Variants in EPB41 observed in about 807,000 individuals in gnomAD.
EPB41 encodes protein 4.1.
EPB41 carries 65 observed loss-of-function variants against 108.0 expected under a neutral mutation model. That is an observed-to-expected ratio of 0.60 (90% CI 0.49 to 0.74). The LOEUF (loss-of-function observed/expected upper bound fraction) is 0.74. EPB41 is among the 30% of genes least tolerant of loss of function. The pLI is 0.00. For synonymous variants in EPB41, 336 were observed against 358.9 expected, an observed-to-expected ratio of 0.94 and a Z score of 0.72; for missense variants, 875 against 1,037.0, an observed-to-expected ratio of 0.84 and a Z score of 2.15.
chr1:28,888,058 A>T (rs887953496), intron 1 of EPB41, among the ~76,000 whole-genome samples: 4 of 152,160 alleles, frequency 2.6e-5, no homozygotes, highest in Admixed American at 2.6e-4. Flanking sequence ...GGAGGCAGGG[A>T]CCTGTCCAGA....
At chr1:29,050,628 A>G (rs1046550347) in intron 11 of EPB41, among the ~76,000 whole-genome samples, 16 of 152,200 alleles carry the variant, frequency 1.1e-4, no homozygotes, top group African/African-American at 3.9e-4. Context: ...CTAACCCAGT[A>G]GTAGCAATCT....
chr1:29,059,853 T>C (rs1646202432), intron 14 of EPB41, among the ~76,000 whole-genome samples: 1 of 152,204 alleles, frequency 6.6e-6, no homozygotes, highest in Non-Finnish European at 1.5e-5. Flanking sequence ...TCTTTTCATC[T>C]ATAGAGTGGG....
intron 16 of EPB41, chr1:29,071,292 CAAGTA>C (rs977378743): frequency 6.6e-5 from 10 of 152,314 alleles, no homozygotes; most frequent in African/African-American, 2.4e-4. Flanking sequence ...CATCTTTTCA[CAAGTA>C]GAGTGTTGAT....
Position 28,898,977 on chromosome 1 carries a change from C to T in EPB41, c.-8+11767C>T, listed in dbSNP as rs187513070. Among the ~76,000 whole-genome samples the T allele has an allele frequency of 7.9e-5, 12 of 151,868 alleles. No individual in the cohort carries two copies. The East Asian group carries it at 1.7e-3, about 22-fold the overall frequency. ...TCAGTATTTCTGGAGGTCCAGTGGT[C>T]GGGGTAGAGCTGGATCCCTCAGCCT... On this transcript the variant is annotated intron_variant, in intron 1 of 16. Coordinates refer to the EPB41 transcript ENST00000347529.
chr1:29,006,939 T>C (rs2096414847), intron 4 of EPB41, among the ~76,000 whole-genome samples: 1 of 152,078 alleles, frequency 6.6e-6, no homozygotes, highest in East Asian at 1.9e-4. Flanking sequence ...TCCTGATGTC[T>C]ATCACCATCA....
intron 1 of EPB41, among the ~76,000 whole-genome samples, chr1:28,903,511 G>C (rs1199580754): frequency 6.6e-6 from 1 of 151,796 alleles, no homozygotes; most frequent in African/African-American, 2.4e-5. Flanking sequence ...TTTTAGTAGA[G>C]ACAAGGTTTC....
intron 7 of EPB41, among the ~76,000 whole-genome samples, chr1:29,027,408 C>T (rs1268089801): frequency 7.3e-5 from 11 of 151,364 alleles, no homozygotes; most frequent in Non-Finnish European, 1.0e-4. Context: ...CTCGGCTCAC[C>T]GAAACCTCTG....
At chr1:28,921,201 A>G (rs922269799) in intron 1 of EPB41, among the ~76,000 whole-genome samples, 1 of 152,240 alleles carries the variant, frequency 6.6e-6, no homozygotes, top group Non-Finnish European at 1.5e-5. Context: ...AGCTATTAGT[A>G]CTTACATATA....
At chr1:28,927,261 C>G (rs1171088380) in intron 1 of EPB41, among the ~76,000 whole-genome samples, 1 of 152,136 alleles carries the variant, frequency 6.6e-6, no homozygotes, top group Non-Finnish European at 1.5e-5. Context: ...CGTGAATTTA[C>G]ATATATTTTT....
At chr1:28,991,868 A>G in intron 2 of EPB41, among the ~76,000 whole-genome samples, 1 of 152,184 alleles carries the variant, frequency 6.6e-6, no homozygotes, top group East Asian at 1.9e-4. Flanking sequence ...GTGGGGATAT[A>G]ATAATACTAC....
At chr1:29,107,098 G>A (rs1054332317) in intron 17 of EPB41, among the ~76,000 whole-genome samples, 6 of 151,906 alleles carry the variant, frequency 3.9e-5, no homozygotes, top group Admixed American at 2.6e-4. Context: ...CAAGAGAATC[G>A]CTTGAACCCA....
intron 6 of EPB41, among the ~76,000 whole-genome samples, chr1:29,016,774 C>T (rs2150038674): frequency 6.6e-6 from 1 of 152,254 alleles, no homozygotes; most frequent in Admixed American, 6.5e-5. Flanking sequence ...TGACATCTTG[C>T]ATAGGGTCTT....
chr1:28,959,289 T>C (rs2095100032), intron 1 of EPB41, among the ~76,000 whole-genome samples: 2 of 146,510 alleles, frequency 1.4e-5, no homozygotes, highest in South Asian at 4.4e-4. Flanking sequence ...CAATATTGGC[T>C]CACTACAACC....
intron 1 of EPB41, among the ~76,000 whole-genome samples, chr1:28,952,929 A>G (rs2094794200): frequency 6.6e-6 from 1 of 152,154 alleles, no homozygotes. Flanking sequence ...GGGTTTCACC[A>G]TGTTGGCCAA....
intron 1 of EPB41, among the ~76,000 whole-genome samples, chr1:28,928,255 G>A (rs1043855587): frequency 3.3e-5 from 5 of 151,836 alleles, no homozygotes; most frequent in Non-Finnish European, 5.9e-5. Context: ...CTTTATTTCT[G>A]CTACTTGGGA....
Position 28,972,667 on chromosome 1 carries a change from A to ACC in EPB41, c.-7-14764_-7-14763insCC, listed in dbSNP as rs1451895833. Reference sequence around the variant, plus strand: ...CAGGCTGGAGTGCAGTAGTGTGATCATGATTCACCGCAGCCTCCAACTCCT... The same window carrying ACC: ...CAGGCTGGAGTGCAGTAGTGTGATCACCTGATTCACCGCAGCCTCCAACTCCT... On this transcript the variant is annotated intron_variant, in intron 1 of 20. Transcript: ENST00000343067. 2.7e-4 allele frequency among the ~76,000 whole-genome samples: 41 copies of ACC among 151,734 alleles called. No homozygotes were observed. In the East Asian group the frequency reaches 7.9e-3, roughly 29 times the overall value.
intron 1 of EPB41, among the ~76,000 whole-genome samples, chr1:28,920,828 G>A (rs1035218827): frequency 3.3e-5 from 5 of 151,986 alleles, no homozygotes; most frequent in Non-Finnish European, 7.4e-5. Context: ...ACTGGGTTTT[G>A]CCATCTTGAC....
At chr1:29,038,082 C>T (rs751442197) in intron 10 of EPB41, among the ~76,000 whole-genome samples, 2 of 152,128 alleles carry the variant, frequency 1.3e-5, no homozygotes, top group African/African-American at 4.8e-5. Flanking sequence ...GAGAGATAAT[C>T]CTGATATCTT....
intron 1 of EPB41, among the ~76,000 whole-genome samples, chr1:28,967,316 C>A (rs2149244490): frequency 1.3e-5 from 2 of 152,342 alleles, no homozygotes; most frequent in Middle Eastern, 3.4e-3. Context: ...CCACGCTCGG[C>A]CCTTTTATGA....
Sources: gnomAD v4.1 joint callset for allele counts (sites outside exome capture counted in the v4.1 genomes callset) on GRCh38, gnomAD v4.1.1 for gene constraint, MANE v1.5 for transcripts, NCBI Gene and HGNC (gene_info 2026-07-23, HGNC 2026-07-21) for gene names.